The following TP53RK variants were observed in gnomAD, a reference collection of about 807,000 sequenced individuals.
TP53RK encodes the protein EKC/KEOPS complex subunit TP53RK.
Under a neutral mutation model 14.9 loss-of-function variants are expected in TP53RK, and 17 were observed. The observed-to-expected ratio is 1.14, with a 90% CI of 0.78 to 1.71. TP53RK has a LOEUF of 1.71. TP53RK is among the 40% of genes most tolerant of loss of function. TP53RK has a pLI of 0.00. For missense variants in TP53RK, 343 were observed against 332.0 expected (o/e 1.03, Z -0.26); for synonymous variants, 131 against 138.0 (o/e 0.95, Z 0.36).
In TP53RK at chr20:46,684,646, G is replaced by A. The variant is rs1009930857; in HGVS notation, c.*2107C>T. 6.6e-6 allele frequency: 1 copy of A among 152,144 alleles called. No individual in the cohort carries two copies. The highest frequency in any genetic ancestry group is 2.4e-5 in the African/African-American group (1 of 41,416). The allele number at this position is 152,144 out of a possible 1,614,324, so 9.4% of individuals were successfully genotyped here. A position where few individuals can be genotyped will look rare whatever the true frequency, so the allele number is the denominator to read the frequency against. On this transcript the variant is annotated 3_prime_UTR_variant, in exon 2 of 2. Coordinates refer to ENST00000372114, the MANE Select transcript of TP53RK (RefSeq NM_033550.4). Reference sequence around the variant, plus strand: ...GGATTACGGGAACAATTCAAGATGAGATTTGGATGGGGACACAGCCAAACC... The same window carrying A: ...GGATTACGGGAACAATTCAAGATGAAATTTGGATGGGGACACAGCCAAACC...
chr20:46,686,676 A>T lies in TP53RK; in HGVS notation c.*77T>A, dbSNP rs1041358044. On this transcript the variant is annotated 3_prime_UTR_variant, in exon 2 of 2. Transcript: ENST00000372114. Reference sequence around the variant, plus strand: ...ATCTTAACACCTTTACTTAGATCTCATCTCATACTTGTAGCATTTCTTCAA... The same window carrying T: ...ATCTTAACACCTTTACTTAGATCTCTTCTCATACTTGTAGCATTTCTTCAA... The T allele has an allele frequency of 8.3e-7, 1 of 1,208,180 alleles. No individual in the cohort carries two copies. Among genetic ancestry groups the T allele is most frequent in the East Asian group, 2.3e-5 (1 of 42,876 alleles). The allele number at this position is 1,208,180 out of a possible 1,614,324, so 74.8% of individuals were successfully genotyped here.
Position 46,689,262 on chromosome 20 carries a change from G to C in TP53RK, c.153C>G (p.Arg51=), listed in dbSNP as rs1220472342. 1 of 1,536,390 alleles carries C rather than the reference G, an allele frequency of 6.5e-7. No individual in the cohort carries two copies. The highest frequency in any genetic ancestry group is 8.7e-7 in the Non-Finnish European group (1 of 1,147,796). Residue 51 remains arginine, a synonymous_variant, in exon 1 of 2, where the codon CGC becomes CGG. Transcript: ENST00000372114. ...QGAEARVFRG[R]FQGRAAVIKH... ...TGATCACCGCCGCGCGGCCCTGGAAGCGGCCACGGAACACGCGCGCCTCGG... is the reference window on the plus strand; with the variant it reads ...TGATCACCGCCGCGCGGCCCTGGAACCGGCCACGGAACACGCGCGCCTCGG...
Position 46,687,120 on chromosome 20 carries a change from G to C in TP53RK, c.395C>G (p.Thr132Ser). ...GGAGAGACCCTGGGGAGTTTTTTCA[G>C]TCTCCATAGTGGACTGAATATAATC... The part of the protein sequence containing the change: ...VRDYIQSTME[T>S]EKTPQGLSNL... The change falls in exon 2 of 2, where the codon ACT becomes AGT. Residue 132 changes from threonine (T) to serine (S), a missense_variant. Coordinates refer to ENST00000372114, the MANE Select transcript of TP53RK (RefSeq NM_033550.4). The C allele has an allele frequency of 6.2e-7, 1 of 1,614,126 alleles. No individual in the cohort carries two copies. The highest frequency in any genetic ancestry group is 8.5e-7 in the Non-Finnish European group (1 of 1,180,038).
chr20:46,688,780 A>G (rs1305141809), intron 1 of TP53RK, among the ~76,000 whole-genome samples: 1 of 152,218 alleles, frequency 6.6e-6, no homozygotes, highest in Non-Finnish European at 1.5e-5. Flanking sequence ...CATGTTTCTT[A>G]AAACTAATAA....
rs772174732 is a variant in TP53RK, at chr20:46,689,385, G to A, written c.30C>T (p.Ala10=). 1.1e-5 allele frequency: 18 copies of A among 1,569,944 alleles called. No homozygotes were observed. The highest frequency in any genetic ancestry group is 6.8e-5 in the African/African-American group (5 of 73,274). Residue 10 remains alanine (A), a synonymous_variant, in exon 1 of 2, where the codon GCC becomes GCT. Coordinates refer to ENST00000372114, the MANE Select transcript of TP53RK (RefSeq NM_033550.4). Reference sequence around the variant, plus strand: ...CCTCCGGGGCGGGCTCCTCGCCATCGGCCGGCGTAGTAGCTCTGGCCGCCG... The same window carrying A: ...CCTCCGGGGCGGGCTCCTCGCCATCAGCCGGCGTAGTAGCTCTGGCCGCCG... MAAARATTP[A]DGEEPAPEAE...
chr20:46,688,330 G>C (rs1012123671), intron 1 of TP53RK, among the ~76,000 whole-genome samples: 1 of 152,192 alleles, frequency 6.6e-6, no homozygotes, highest in Non-Finnish European at 1.5e-5. Context: ...ACTGATAAAA[G>C]AAAGGCAAGA....
chr20:46,686,562 C>T lies in TP53RK; in HGVS notation c.*191G>A, dbSNP rs1568971756. 1 of 595,238 alleles carries T rather than the reference C, an allele frequency of 1.7e-6. No homozygotes were observed. The highest frequency in any genetic ancestry group is 3.0e-6 in the Non-Finnish European group (1 of 338,318). 36.9% of individuals were successfully genotyped at this position (595,238 alleles called of 1,614,324 possible). The stretch of plus-strand genomic sequence containing the variant: ...CTGTCCTCAATTTACTTTAAATACC[C>T]AATTCTGCCTAGAACATGACTTAGA... On this transcript the variant is annotated 3_prime_UTR_variant, in exon 2 of 2. Coordinates refer to ENST00000372114, the MANE Select transcript of TP53RK (RefSeq NM_033550.4).
rs1427790101 is a variant in TP53RK at position 46,689,394 on chromosome 20, A to C, written c.21T>G (p.Thr7=). Residue 7 remains threonine (T), a synonymous_variant, in exon 1 of 2, where the codon ACT becomes ACG. Coordinates refer to ENST00000372114, the MANE Select transcript of TP53RK (RefSeq NM_033550.4). MAAARA[T]TPADGEEPAP... is the part of the protein sequence containing the mutation. ...CGGGCTCCTCGCCATCGGCCGGCGT[A>C]GTAGCTCTGGCCGCCGCCATGACTG... 1.9e-6 allele frequency: 3 copies of C among 1,564,034 alleles called. No homozygotes were observed. The highest frequency in any genetic ancestry group is 1.7e-6 in the Non-Finnish European group (2 of 1,166,036).
chr20:46,685,759 T>C lies in TP53RK; in HGVS notation c.*994A>G, dbSNP rs1362803653. The C allele has an allele frequency of 6.6e-6, 1 of 152,254 alleles. No individual in the cohort carries two copies. The highest frequency in any genetic ancestry group is 1.5e-5 in the Non-Finnish European group (1 of 68,048). 9.4% of individuals were successfully genotyped at this position (152,254 alleles called of 1,614,324 possible). A position where few individuals can be genotyped will look rare whatever the true frequency, so the allele number is the denominator to read the frequency against. ...ACAAAAGGCACTCAAAATATGTTTG[T>C]TGATTGGAGTTTACAAGGAAGAAAG... On this transcript the variant is annotated 3_prime_UTR_variant, in exon 2 of 2. Coordinates refer to ENST00000372114, the MANE Select transcript of TP53RK (RefSeq NM_033550.4).
rs2122963000 is a variant in TP53RK, at chr20:46,687,162, C to T, written c.353G>A (p.Gly118Asp). ...AATATAATCTCGAACAGTCACTGAG[C>T]CTTCAATTTCTTCCATATATAAGCA... ...SNCLYMEEIE[G>D]SVTVRDYIQS... is the part of the protein sequence containing the mutation. The change falls in exon 2 of 2, where the codon GGC becomes GAC. Residue 118 changes from glycine (G) to aspartate (D), a missense_variant. By Grantham distance (94) the Gly-to-Asp change is moderately conservative (BLOSUM62 -1). Transcript: ENST00000372114. The T allele has an allele frequency of 6.2e-7, 1 of 1,613,736 alleles. No homozygotes were observed. The highest frequency in any genetic ancestry group is 8.5e-7 in the Non-Finnish European group (1 of 1,179,816).
At chr20:46,688,387 G>A (rs73908976) in intron 1 of TP53RK, among the ~76,000 whole-genome samples, 13,965 of 152,314 alleles carry the variant, frequency 0.092, 1,237 homozygotes, top group African/African-American at 0.23. Flanking sequence ...GGCATAAGGA[G>A]CTGAGGGCCT....
In TP53RK at chr20:46,684,448, G is replaced by A. The variant is rs2063170608; in HGVS notation, c.*2305C>T. 2 of 152,202 alleles carry A rather than the reference G, an allele frequency of 1.3e-5. No homozygotes were observed. Among genetic ancestry groups the A allele is most frequent in the African/African-American group, 2.4e-5 (1 of 41,454 alleles). The allele number at this position is 152,202 out of a possible 1,614,324, so 9.4% of individuals were successfully genotyped here. A position where few individuals can be genotyped will look rare whatever the true frequency, so the allele number is the denominator to read the frequency against. On this transcript the variant is annotated 3_prime_UTR_variant, in exon 2 of 2. Coordinates refer to ENST00000372114, the MANE Select transcript of TP53RK (RefSeq NM_033550.4). The stretch of plus-strand genomic sequence containing the variant: ...AAAACTTATAATCATGGCAGATGGG[G>A]AAACAAACACACCCTTCTCCACGTG...
Position 46,686,099 on chromosome 20 carries a change from T to C in TP53RK, c.*654A>G, listed in dbSNP as rs2063179012. On this transcript the variant is annotated 3_prime_UTR_variant, in exon 2 of 2. Coordinates refer to ENST00000372114, the MANE Select transcript of TP53RK (RefSeq NM_033550.4). ...CAAAGCAATAAAAATAAAAACATGT[T>C]AACATGAATTTCAGTTGCCTGAAAG... is the stretch of plus-strand genomic sequence containing the variant. The C allele has an allele frequency of 6.6e-6, 1 of 152,242 alleles. No homozygotes were observed. The highest frequency in any genetic ancestry group is 2.4e-5 in the African/African-American group (1 of 41,468). The allele number at this position is 152,242 out of a possible 1,614,324, so 9.4% of individuals were successfully genotyped here. A position where few individuals can be genotyped will look rare whatever the true frequency, so the allele number is the denominator to read the frequency against.
At chr20:46,687,638 A>C (rs1034818011) in intron 1 of TP53RK, among the ~76,000 whole-genome samples, 19 of 150,934 alleles carry the variant, frequency 1.3e-4, no homozygotes, top group African/African-American at 4.2e-4. Flanking sequence ...TCTACTAAAA[A>C]TACAAAAATT....
intron 1 of TP53RK, among the ~76,000 whole-genome samples, chr20:46,688,627 G>C (rs2063191761): frequency 6.6e-6 from 1 of 152,248 alleles, no homozygotes; most frequent in African/African-American, 2.4e-5. Flanking sequence ...CTATGACATG[G>C]ATACTGCTAC....
rs2063181419 is a variant in TP53RK at position 46,686,500 on chromosome 20, T to C, written c.*253A>G. Reference sequence around the variant, plus strand: ...ATTATGTGGTTCAATGCCACACCCATGTATCTGAGATATACATGTCACAAT... The same window carrying C: ...ATTATGTGGTTCAATGCCACACCCACGTATCTGAGATATACATGTCACAAT... On this transcript the variant is annotated 3_prime_UTR_variant, in exon 2 of 2. Coordinates refer to ENST00000372114, the MANE Select transcript of TP53RK (RefSeq NM_033550.4). 2.2e-5 allele frequency: 11 copies of C among 490,026 alleles called. No homozygotes were observed. The highest frequency in any genetic ancestry group is 2.1e-4 in the South Asian group (8 of 37,668). The allele number at this position is 490,026 out of a possible 1,614,324, so 30.4% of individuals were successfully genotyped here.
intron 1 of TP53RK, among the ~76,000 whole-genome samples, chr20:46,688,545 G>T (rs111608451): frequency 0.022 from 3,310 of 152,314 alleles, 119 homozygotes; most frequent in African/African-American, 0.074. Flanking sequence ...ACATTTATTG[G>T]GCACTATGTG....
At chr20:46,687,340 A>G in intron 1 of TP53RK, 109 bp from the exon 2 acceptor site, 1 of 941,204 alleles carries the variant, frequency 1.1e-6, no homozygotes, top group Non-Finnish European at 1.6e-6. Flanking sequence ...TTTCAGGACT[A>G]TTGAGGAATG....
rs974868757 is a variant in TP53RK, at chr20:46,685,306, G to A, written c.*1447C>T. The A allele has an allele frequency of 1.3e-5, 2 of 152,078 alleles. No individual in the cohort carries two copies. Among genetic ancestry groups the A allele is most frequent in the Non-Finnish European group, 2.9e-5 (2 of 68,038 alleles). 9.4% of individuals were successfully genotyped at this position (152,078 alleles called of 1,614,324 possible). ...TCTCTGAACACAATGGAATGAAGCTGGCAATAACAAAAGAAAAATTGGAAC... is the reference window on the plus strand; with the variant it reads ...TCTCTGAACACAATGGAATGAAGCTAGCAATAACAAAAGAAAAATTGGAAC... On this transcript the variant is annotated 3_prime_UTR_variant, in exon 2 of 2. Coordinates refer to ENST00000372114, the MANE Select transcript of TP53RK (RefSeq NM_033550.4).
Sources: allele counts gnomAD v4.1 joint callset (sites outside exome capture counted in the v4.1 genomes callset), GRCh38; gene constraint gnomAD v4.1.1; transcripts MANE v1.5; gene names NCBI Gene and HGNC (gene_info 2026-07-23, HGNC 2026-07-21).